Variants in KCNH7 observed in about 807,000 individuals in gnomAD.
KCNH7 encodes the protein potassium voltage-gated channel subfamily H member 7.
A neutral mutation model predicts 120.8 loss-of-function variants in KCNH7; 49 were observed. The observed-to-expected ratio is 0.41, with a 90% CI of 0.32 to 0.51. The LOEUF is 0.51. Ranked by LOEUF, KCNH7 falls within the 20% of genes least tolerant of loss-of-function variation. The pLI, the probability that KCNH7 is intolerant of heterozygous loss-of-function variation, is 0.38. For missense variants in KCNH7, 1,097 were observed against 1,446.6 expected, an observed-to-expected ratio of 0.76 and a Z score of 3.92; for synonymous variants, 547 against 516.1, an observed-to-expected ratio of 1.06 and a Z score of -0.81.
chr2:162,766,235 T>G (rs536053348), intron 2 of KCNH7, among the ~76,000 whole-genome samples: 3 of 152,260 alleles, frequency 2.0e-5, no homozygotes, highest in Non-Finnish European at 4.4e-5. Context: ...CCGTGCCCCT[T>G]ATTGATCAGG....
intron 2 of KCNH7, among the ~76,000 whole-genome samples, chr2:162,635,655 CTTCT>C (rs1387073947): frequency 6.6e-6 from 1 of 152,098 alleles, no homozygotes; most frequent in Non-Finnish European, 1.5e-5. Context: ...CTATTCACCT[CTTCT>C]TTGTCTTTGT....
intron 2 of KCNH7, among the ~76,000 whole-genome samples, chr2:162,714,560 T>G (rs1687042352): frequency 6.6e-6 from 1 of 152,220 alleles, no homozygotes; most frequent in Non-Finnish European, 1.5e-5. Flanking sequence ...TAAAAATGTC[T>G]GTTTAAAACC....
intron 3 of KCNH7, among the ~76,000 whole-genome samples, chr2:162,526,920 T>C (rs868483310): frequency 4.6e-5 from 7 of 152,038 alleles, no homozygotes; most frequent in Admixed American, 1.3e-4. Context: ...TGTTCAGAGA[T>C]TGCAGTAAAG....
intron 2 of KCNH7, among the ~76,000 whole-genome samples, chr2:162,566,080 C>T (rs936205432): frequency 6.6e-6 from 1 of 151,964 alleles, no homozygotes. Context: ...CTTTAATGCT[C>T]ATAGTGGGGG....
Position 162,569,951 on chromosome 2 carries a change from T to C in KCNH7, c.308-32871A>G, listed in dbSNP as rs540705190. 7.4e-3 allele frequency among the ~76,000 whole-genome samples: 970 copies of C among 131,348 alleles called. 5 individuals carry two copies. Among genetic ancestry groups the C allele is most frequent in the Non-Finnish European group, 0.013 (789 of 62,938 alleles). 86.2% of individuals were successfully genotyped at this position (131,348 alleles called of 152,430 possible). ...TGCTGAGGAGAGCTTTACTTCCAAG[T>C]ATGTGGTCAATTTTGGAATAGGTGT... On this transcript the variant is annotated intron_variant, in intron 2 of 15. Transcript: ENST00000332142.
chr2:162,409,205 AAG>A, intron 9 of KCNH7, among the ~76,000 whole-genome samples: 1 of 151,956 alleles, frequency 6.6e-6, no homozygotes, highest in Admixed American at 6.6e-5. Flanking sequence ...TGAAGGAAAG[AAG>A]AGAGAGAGAA....
At chr2:162,623,285 C>A (rs1328789048) in intron 2 of KCNH7, among the ~76,000 whole-genome samples, 2 of 152,090 alleles carry the variant, frequency 1.3e-5, no homozygotes, top group Non-Finnish European at 2.9e-5. Context: ...GTTTATATTT[C>A]AAAAAACTGT....
intron 2 of KCNH7, among the ~76,000 whole-genome samples, chr2:162,541,863 A>T (rs891279461): frequency 6.6e-6 from 1 of 152,088 alleles, no homozygotes; most frequent in Non-Finnish European, 1.5e-5. Context: ...AATTGAAGAA[A>T]AAAAGGCTGT....
At chr2:162,613,845 A>G (rs1464965656) in intron 2 of KCNH7, among the ~76,000 whole-genome samples, 1 of 152,062 alleles carries the variant, frequency 6.6e-6, no homozygotes, top group East Asian at 1.9e-4. Flanking sequence ...ACAAATATGC[A>G]TGCTACATTT....
In KCNH7 at chr2:162,594,530, C is replaced by A. The variant is rs555630595; in HGVS notation, c.308-57450G>T. On this transcript the variant is annotated intron_variant, in intron 2 of 15. Transcript: ENST00000332142. ...GGGAAAGAAAAATATAGGCCAATAT[C>A]TCTGATGAATAAAGATATAACAGTC... Among the ~76,000 whole-genome samples, 9 of 152,046 alleles carry A rather than the reference C, an allele frequency of 5.9e-5. No individual in the cohort carries two copies. In the South Asian group the frequency reaches 1.7e-3, roughly 28 times the overall value.
intron 6 of KCNH7, chr2:162,497,053 C>T (rs1224223172): frequency 2.0e-5 from 3 of 152,018 alleles, no homozygotes; most frequent in Non-Finnish European, 2.9e-5. Context: ...CCTGAGATGA[C>T]AAATAATTTT....
At chr2:162,643,340 A>G (rs1684231422) in intron 2 of KCNH7, among the ~76,000 whole-genome samples, 2 of 152,152 alleles carry the variant, frequency 1.3e-5, no homozygotes, top group Non-Finnish European at 2.9e-5. Context: ...AAAAAAGCAA[A>G]AACAAACAAA....
chr2:162,760,304 A>G (rs1051983437), intron 2 of KCNH7, among the ~76,000 whole-genome samples: 6 of 152,116 alleles, frequency 3.9e-5, no homozygotes, highest in Non-Finnish European at 7.4e-5. Flanking sequence ...TTAAACAGGA[A>G]ATTAGTTGTC....
chr2:162,428,702 T>C (rs1177464318), intron 8 of KCNH7, among the ~76,000 whole-genome samples: 2 of 152,056 alleles, frequency 1.3e-5, no homozygotes, highest in South Asian at 2.1e-4. Flanking sequence ...TTTTCCTTCA[T>C]GTAATTTAAA....
At chr2:162,780,850 G>A (rs1574381046) in intron 2 of KCNH7, among the ~76,000 whole-genome samples, 1 of 152,092 alleles carries the variant, frequency 6.6e-6, no homozygotes, top group Non-Finnish European at 1.5e-5. Context: ...ACTGTTTAGA[G>A]TATGATTTGA....
intron 2 of KCNH7, among the ~76,000 whole-genome samples, chr2:162,538,243 A>T (rs1574077060): frequency 6.6e-6 from 1 of 152,112 alleles, no homozygotes; most frequent in South Asian, 2.1e-4. Context: ...TTATTTTTTT[A>T]GCTCATCAGC....
chr2:162,724,931 T>C (rs1687464718), intron 2 of KCNH7, among the ~76,000 whole-genome samples: 2 of 152,192 alleles, frequency 1.3e-5, no homozygotes, highest in African/African-American at 2.4e-5. Flanking sequence ...AAAAATACTT[T>C]TTCTCATGAC....
At position 162,445,909 on chromosome 2, in the gene KCNH7, T is replaced by A. The variant is rs570355707; in HGVS notation, c.1554+109A>T. On this transcript the variant is annotated intron_variant, in intron 7 of 15. Transcript: ENST00000332142. ...TATCCCCAATTGAAAATGAATTTTA[T>A]CAGTGAGATACAAGAAGCTTGCAAA... 3.7e-6 allele frequency: 3 copies of A among 811,232 alleles called. No individual in the cohort carries two copies. The East Asian group carries it at 8.0e-5, about 22-fold the overall frequency. 50.3% of individuals were successfully genotyped at this position (811,232 alleles called of 1,614,324 possible).
chr2:162,419,704 G>T (rs1405873738), intron 9 of KCNH7, among the ~76,000 whole-genome samples: 1 of 152,096 alleles, frequency 6.6e-6, no homozygotes, highest in Admixed American at 6.6e-5. Flanking sequence ...AGTAGCCTCT[G>T]CCCTAAATAG....
Sources: allele counts gnomAD v4.1 joint callset (sites outside exome capture counted in the v4.1 genomes callset), GRCh38; gene constraint gnomAD v4.1.1; transcripts MANE v1.5; gene names NCBI Gene and HGNC (gene_info 2026-07-23, HGNC 2026-07-21).